Variants in GSK3B observed in about 807,000 individuals in gnomAD.
GSK3B encodes the protein glycogen synthase kinase 3 beta, also known as glycogen synthase kinase-3 beta.
Under a neutral mutation model 56.4 loss-of-function variants are expected in GSK3B, and 15 were observed. That is an observed-to-expected ratio of 0.27 (90% CI 0.18 to 0.41). GSK3B has a LOEUF of 0.41. Ranked by LOEUF, GSK3B falls within the 10% of genes least tolerant of loss-of-function variation. The pLI is 1.00. For missense variants in GSK3B, 300 were observed against 513.4 expected (o/e 0.58, Z 4.02); for synonymous variants, 181 against 188.9 (o/e 0.96, Z 0.34).
At chr3:119,855,494 A>T (rs2056006625) in intron 9 of GSK3B, among the ~76,000 whole-genome samples, 2 of 152,228 alleles carry the variant, frequency 1.3e-5, no homozygotes, top group Non-Finnish European at 2.9e-5. Context: ...TACCCAAAGG[A>T]TTACAAATCA....
chr3:119,984,008 C>T (rs2057489473), intron 2 of GSK3B, among the ~76,000 whole-genome samples: 2 of 152,182 alleles, frequency 1.3e-5, no homozygotes, highest in Admixed American at 6.5e-5. Flanking sequence ...CAAACTGTCT[C>T]ATAGACCACA....
At chr3:119,915,995 G>C in intron 5 of GSK3B, 49 bp downstream of exon 5, 1 of 1,312,792 alleles carries the variant, frequency 7.6e-7, no homozygotes, top group Non-Finnish European at 1.1e-6. Context: ...GAAGATAGTA[G>C]GGGGAGGAGG....
intron 1 of GSK3B, among the ~76,000 whole-genome samples, chr3:120,056,762 A>G (rs1337056687): frequency 6.6e-6 from 1 of 152,228 alleles, no homozygotes; most frequent in African/African-American, 2.4e-5. Context: ...CAGAAGAGTG[A>G]CAGATACCCC....
intron 2 of GSK3B, among the ~76,000 whole-genome samples, chr3:119,963,625 C>CAAAAAAAAAAAAA (rs774359104): frequency 2.9e-4 from 23 of 78,780 alleles, no homozygotes; most frequent in South Asian, 4.6e-4. Context: ...TTCTTCCCCA[C>CAAAAAAAAAAAAA]AAAAAAAAAA....
chr3:120,031,713 A>T (rs1358580099), intron 1 of GSK3B, among the ~76,000 whole-genome samples: 8 of 152,194 alleles, frequency 5.3e-5, no homozygotes, highest in Admixed American at 2.6e-4. Flanking sequence ...ATTTAAATCT[A>T]AGCCTATACT....
chr3:119,983,061 T>G (rs2057479991), intron 2 of GSK3B, among the ~76,000 whole-genome samples: 1 of 152,150 alleles, frequency 6.6e-6, no homozygotes, highest in Non-Finnish European at 1.5e-5. Context: ...TTCAAAATTC[T>G]TAAAGAAGAA....
intron 10 of GSK3B, among the ~76,000 whole-genome samples, chr3:119,832,256 C>A (rs1390327675): frequency 3.3e-5 from 5 of 152,194 alleles, no homozygotes. Context: ...ACAGGCAGCA[C>A]ATATTTGATA....
chr3:120,025,210 G>C (rs1336358926), intron 1 of GSK3B, among the ~76,000 whole-genome samples: 1 of 152,132 alleles, frequency 6.6e-6, no homozygotes, highest in Non-Finnish European at 1.5e-5. Flanking sequence ...TGGGCATGGT[G>C]GTGGGTGCCT....
At chr3:120,051,493 G>A (rs2058149490) in intron 1 of GSK3B, among the ~76,000 whole-genome samples, 1 of 152,152 alleles carries the variant, frequency 6.6e-6, no homozygotes, top group Admixed American at 6.5e-5. Context: ...TGGGTCAGGC[G>A]CGGTGGCTCA....
intron 3 of GSK3B, among the ~76,000 whole-genome samples, chr3:119,930,126 T>TACACAC (rs2056931758): frequency 8.9e-6 from 1 of 112,154 alleles, no homozygotes; most frequent in African/African-American, 3.5e-5. Context: ...CACACACACG[T>TACACAC]GCGCATGCAC....
intron 2 of GSK3B, among the ~76,000 whole-genome samples, chr3:119,974,670 A>T (rs1201118956): frequency 6.6e-6 from 1 of 152,216 alleles, no homozygotes; most frequent in African/African-American, 2.4e-5. Context: ...ACAAGACCTG[A>T]ACAGATACCT....
intron 1 of GSK3B, among the ~76,000 whole-genome samples, chr3:120,071,697 G>A (rs2058328028): frequency 6.6e-6 from 1 of 152,174 alleles, no homozygotes; most frequent in Admixed American, 6.5e-5. Context: ...ACTATGATGA[G>A]TTGTATAACT....
chr3:119,937,677 G>T (rs2057009614), intron 3 of GSK3B, among the ~76,000 whole-genome samples: 1 of 151,760 alleles, frequency 6.6e-6, no homozygotes. Flanking sequence ...TAAGAAAGAA[G>T]ATCTCAAATC....
chr3:120,004,104 T>C (rs2057702947), intron 1 of GSK3B, among the ~76,000 whole-genome samples: 1 of 152,256 alleles, frequency 6.6e-6, no homozygotes, highest in Non-Finnish European at 1.5e-5. Context: ...CTCCCATGCC[T>C]GACTCGGCGG....
At chr3:120,000,869 T>C (rs1304073738) in intron 2 of GSK3B, among the ~76,000 whole-genome samples, 1 of 149,968 alleles carries the variant, frequency 6.7e-6, no homozygotes, top group South Asian at 2.1e-4. Context: ...TGTTGTAATA[T>C]GGTTTGGATG....
chr3:119,936,337 A>AT lies in GSK3B; in HGVS notation c.366+10930_366+10931insA, dbSNP rs1428442591. On this transcript the variant is annotated intron_variant, in intron 3 of 10. Coordinates refer to ENST00000264235, the MANE Select transcript of GSK3B (RefSeq NM_001146156.2). ...TATAAAAATATAAATATATATAAAAAATATATATATATATATATTTTTTTT... is the reference window on the plus strand; with the variant it reads ...TATAAAAATATAAATATATATAAAAATATATATATATATATATATTTTTTTT... Among the ~76,000 whole-genome samples, 643 of 139,104 alleles carry AT rather than the reference A, an allele frequency of 4.6e-3. 11 individuals are homozygous for AT. Among genetic ancestry groups the AT allele is most frequent in the African/African-American group, 0.017 (619 of 35,802 alleles). The allele number at this position is 139,104 out of a possible 152,430, so 91.3% of individuals were successfully genotyped here. A position where few individuals can be genotyped will look rare whatever the true frequency, so the allele number is the denominator to read the frequency against.
chr3:119,998,136 G>A (rs1375244667), intron 2 of GSK3B, among the ~76,000 whole-genome samples: 1 of 152,212 alleles, frequency 6.6e-6, no homozygotes, highest in Non-Finnish European at 1.5e-5. Context: ...GATGATGACA[G>A]ATGGTTCATA....
intron 1 of GSK3B, among the ~76,000 whole-genome samples, chr3:120,014,828 CTTGT>C (rs2057810186): frequency 6.6e-6 from 1 of 152,136 alleles, no homozygotes; most frequent in African/African-American, 2.4e-5. Context: ...GAGATGTTTA[CTTGT>C]TTATCACTTT....
chr3:119,928,607 AAAAAT>A (rs1475061172), intron 3 of GSK3B, among the ~76,000 whole-genome samples: 9 of 134,414 alleles, frequency 6.7e-5, no homozygotes, highest in African/African-American at 1.3e-4. Flanking sequence ...TCCATATCAA[AAAAAT>A]AAAAAAAAAA....
Sources: gnomAD v4.1 joint callset for allele counts (sites outside exome capture counted in the v4.1 genomes callset) on GRCh38, gnomAD v4.1.1 for gene constraint, MANE v1.5 for transcripts, NCBI Gene and HGNC (gene_info 2026-07-23, HGNC 2026-07-21) for gene names.